Variants in PAK2 observed in about 807,000 individuals in gnomAD.
PAK2 encodes the protein p21 (RAC1) activated kinase 2, also known as serine/threonine-protein kinase PAK 2.
PAK2 carries 21 observed loss-of-function variants against 65.9 expected under a neutral mutation model. That is an observed-to-expected ratio of 0.32 (90% CI 0.23 to 0.46). PAK2 has a LOEUF of 0.46. PAK2 is among the 20% of genes least tolerant of loss of function. PAK2 has a pLI of 1.00. For missense variants in PAK2, 324 were observed against 642.6 expected (o/e 0.50, Z 5.36); for synonymous variants, 204 against 219.7 (o/e 0.93, Z 0.63).
rs1715066021 is a variant in PAK2 at position 196,791,453 on chromosome 3, C to A, written c.187+8620C>A. 6.6e-6 allele frequency among the ~76,000 whole-genome samples: 1 copy of A among 152,060 alleles called. No homozygotes were observed. The highest frequency in any genetic ancestry group is 1.5e-5 in the Non-Finnish European group (1 of 68,020). On this transcript the variant is annotated intron_variant, in intron 2 of 14. Transcript: ENST00000327134. This position sits in a 1 kb window ranked among gnomAD's most constrained non-coding sequence, Gnocchi z 4.0. ...CTCTATACTCCTATCATATATGAAA[C>A]TTTAATATATTTCTCTAAACTCTTA...
At chr3:196,770,945 T>TAATA (rs1714342300) in intron 1 of PAK2, among the ~76,000 whole-genome samples, 1 of 152,028 alleles carries the variant, frequency 6.6e-6, no homozygotes, top group Non-Finnish European at 1.5e-5. Context: ...ATATAGTCTT[T>TAATA]AAATCTCCAT....
intron 12 of PAK2, among the ~76,000 whole-genome samples, chr3:196,819,779 C>T (rs1441392689): frequency 2.0e-5 from 3 of 152,146 alleles, no homozygotes; most frequent in African/African-American, 2.4e-5. Context: ...ATGCTGGTGG[C>T]GACCTTAGGC....
At chr3:196,770,267 A>ATAT (rs1714319733) in intron 1 of PAK2, among the ~76,000 whole-genome samples, 1 of 150,760 alleles carries the variant, frequency 6.6e-6, no homozygotes, top group African/African-American at 2.5e-5. Context: ...CATTAAAAGT[A>ATAT]TATATATACA....
intron 8 of PAK2, 136 bp downstream of exon 8, chr3:196,810,789 T>C: frequency 1.8e-6 from 1 of 566,576 alleles, no homozygotes; most frequent in Non-Finnish European, 3.2e-6. Context: ...GGGATTTGTG[T>C]AAATAAATAA....
intron 2 of PAK2, among the ~76,000 whole-genome samples, chr3:196,800,390 AAAAGAAAG>A (rs764218689): frequency 6.6e-6 from 1 of 152,156 alleles, no homozygotes; most frequent in Non-Finnish European, 1.5e-5. Flanking sequence ...TTAAAAAAGA[AAAAGAAAG>A]AAAGAAAGAA....
At chr3:196,808,556 T>TAAAAAA (rs1715664496) in intron 7 of PAK2, among the ~76,000 whole-genome samples, 1 of 36,304 alleles carries the variant, frequency 2.8e-5, no homozygotes, top group Non-Finnish European at 4.7e-5. Context: ...AGACTCCATC[T>TAAAAAA]CAAAAAAAAA....
intron 11 of PAK2, among the ~76,000 whole-genome samples, chr3:196,816,001 A>C (rs925696802): frequency 6.6e-6 from 1 of 152,142 alleles, no homozygotes; most frequent in Non-Finnish European, 1.5e-5. Flanking sequence ...CAAATTGCCA[A>C]TTTAAGCCAA....
At chr3:196,811,725 T>C (rs1000345293) in intron 8 of PAK2, among the ~76,000 whole-genome samples, 1 of 152,068 alleles carries the variant, frequency 6.6e-6, no homozygotes, top group Admixed American at 6.6e-5. Flanking sequence ...GAAATGAAAC[T>C]ATATGACGTT....
intron 1 of PAK2, among the ~76,000 whole-genome samples, chr3:196,748,176 CTT>C (rs1713453417): frequency 6.6e-6 from 1 of 152,102 alleles, no homozygotes; most frequent in Non-Finnish European, 1.5e-5. Flanking sequence ...AATTAATAGA[CTT>C]TGCAGCATTT....
intron 1 of PAK2, among the ~76,000 whole-genome samples, chr3:196,744,463 C>G (rs999350394): frequency 1.3e-5 from 2 of 152,046 alleles, no homozygotes; most frequent in African/African-American, 4.8e-5. Flanking sequence ...CACCTGAGCT[C>G]AAGAGTTGGA....
intron 13 of PAK2, among the ~76,000 whole-genome samples, chr3:196,821,347 C>A (rs1437717319): frequency 4.7e-5 from 7 of 150,104 alleles, no homozygotes. Context: ...AACAAAAAAC[C>A]CCACCACAAC....
Position 196,788,241 on chromosome 3 carries a change from T to C in PAK2, c.187+5408T>C, listed in dbSNP as rs928111539. ...ACAGAAGAGTCTAAAAGGCAAACAA[T>C]TGTATTTCCATTTTTTAAAAATCAT... On this transcript the variant is annotated intron_variant, in intron 2 of 14. Coordinates refer to ENST00000327134, the MANE Select transcript of PAK2 (RefSeq NM_002577.4). Among the ~76,000 whole-genome samples, 4 of 152,202 alleles carry C rather than the reference T, an allele frequency of 2.6e-5. No individual in the cohort carries two copies. In the South Asian group the frequency reaches 6.2e-4, roughly 24 times the overall value.
Position 196,786,680 on chromosome 3 carries a change from C to T in PAK2, c.187+3847C>T, listed in dbSNP as rs531128847. 3.3e-5 allele frequency among the ~76,000 whole-genome samples: 5 copies of T among 152,234 alleles called. No homozygotes were observed. The South Asian group carries it at 1.0e-3, about 32-fold the overall frequency. On this transcript the variant is annotated intron_variant, in intron 2 of 14. Coordinates refer to ENST00000327134, the MANE Select transcript of PAK2 (RefSeq NM_002577.4). Reference sequence around the variant, plus strand: ...ATCCCAGACCCATTTATTGAGTCTTCTATTTCCCCACTGACCTAGACCACC... The same window carrying T: ...ATCCCAGACCCATTTATTGAGTCTTTTATTTCCCCACTGACCTAGACCACC...
chr3:196,801,061 C>T (rs1016877815), intron 2 of PAK2, among the ~76,000 whole-genome samples: 7 of 152,126 alleles, frequency 4.6e-5, no homozygotes, highest in South Asian at 2.1e-4. Context: ...AATTTACAAT[C>T]GGACCATAGA....
At chr3:196,789,161 C>CCT (rs1340976148) in intron 2 of PAK2, among the ~76,000 whole-genome samples, 2 of 152,158 alleles carry the variant, frequency 1.3e-5, no homozygotes, top group East Asian at 3.8e-4. Flanking sequence ...TGAGAAATGG[C>CCT]CTAACTAGTC....
chr3:196,743,688 A>C (rs996024415), intron 1 of PAK2, among the ~76,000 whole-genome samples: 4 of 152,082 alleles, frequency 2.6e-5, no homozygotes, highest in Admixed American at 6.6e-5. Context: ...ATTCTCTACT[A>C]TTCTTTAGTA....
chr3:196,753,629 T>C (rs1001651407), intron 1 of PAK2, among the ~76,000 whole-genome samples: 4 of 152,266 alleles, frequency 2.6e-5, no homozygotes, highest in Admixed American at 2.6e-4. Context: ...CCATCTAGTG[T>C]ACATTTTCAG....
Position 196,746,813 on chromosome 3 carries a change from T to TAAA in PAK2, c.-22+6671_-22+6673dup, listed in dbSNP as rs71621294. On this transcript the variant is annotated intron_variant, in intron 1 of 14. Coordinates refer to ENST00000327134, the MANE Select transcript of PAK2 (RefSeq NM_002577.4). Reference sequence around the variant, plus strand: ...CAACAAAAGTGAAACTCTGTCTCATTAAAAAAAAAAAAAAAAAGGATAGGC... The same window carrying TAAA: ...CAACAAAAGTGAAACTCTGTCTCATTAAAAAAAAAAAAAAAAAAAAGGATAGGC... Among the ~76,000 whole-genome samples, 3 of 129,070 alleles carry TAAA rather than the reference T, an allele frequency of 2.3e-5. 1 individual carries two copies. Among genetic ancestry groups the TAAA allele is most frequent in the Admixed American group, 8.2e-5 (1 of 12,208 alleles). 84.7% of individuals were successfully genotyped at this position (129,070 alleles called of 152,430 possible).
chr3:196,827,262 T>C lies in PAK2; in HGVS notation c.1417T>C (p.Phe473Leu). ...GAATCCAGAGAAACTTTCCCCAATA[T>C]TTCGGGATTTCTTAAATCGATGTTT... ...LQNPEKLSPI[F>L]RDFLNRCLEM... Residue 473 changes from phenylalanine to leucine, a missense_variant, in exon 14 of 15, where the codon TTT becomes CTT. Phe to Leu is a conservative substitution (Grantham distance 22). Transcript: ENST00000327134. 6.2e-7 allele frequency: 1 copy of C among 1,611,910 alleles called. No individual in the cohort carries two copies. The highest frequency in any genetic ancestry group is 8.5e-7 in the Non-Finnish European group (1 of 1,178,124).
Sources: gnomAD v4.1 joint callset for allele counts (sites outside exome capture counted in the v4.1 genomes callset) on GRCh38, gnomAD v4.1.1 for gene constraint, Gnocchi (gnomAD v3.1) non-coding constraint, MANE v1.5 for transcripts, NCBI Gene and HGNC (gene_info 2026-07-23, HGNC 2026-07-21) for gene names.